The following TAAR5 variants were observed in gnomAD, a reference collection of about 807,000 sequenced individuals.
TAAR5 encodes the protein trace amine-associated receptor 5.
In TAAR5, 27 loss-of-function variants were observed where a neutral mutation model predicts 21.1. That is an observed-to-expected ratio of 1.28 (90% confidence interval 0.94 to 1.76). The LOEUF is 1.76. Ranked by LOEUF, TAAR5 falls within the 40% of genes most tolerant of loss-of-function variation. TAAR5 has a pLI of 0.00. For missense variants in TAAR5, 495 were observed against 405.6 expected, an observed-to-expected ratio of 1.22 and a Z score of -1.89; for synonymous variants, 203 against 167.5, an observed-to-expected ratio of 1.21 and a Z score of -1.64.
At chr6:132,604,774 G>A in the TAAR5 span, among the ~76,000 whole-genome samples, 90 of 152,330 alleles carry the variant, frequency 5.9e-4, no homozygotes, top group African/African-American at 1.9e-3. Context: ...GCCAACCTGG[G>A]TGACTGAGGA....
In TAAR5 at chr6:132,589,059, CA is replaced by C. The variant is rs763638315; in HGVS notation, c.627del (p.Phe209LeufsTer7). 12 of 1,614,022 alleles carry C rather than the reference CA, an allele frequency of 7.4e-6. No individual in the cohort carries two copies. Among genetic ancestry groups the C allele is most frequent in the Non-Finnish European group, 1.0e-5 (12 of 1,179,988 alleles). On this transcript the variant is annotated frameshift_variant, in exon 1 of 1. Coordinates refer to ENST00000258034, the MANE Select transcript of TAAR5 (RefSeq NM_003967.3). LOFTEE classifies it high-confidence loss of function. Reference sequence around the variant, plus strand: ...AAGCTGATCATAATGAGGCAGGGGACAAAGAACAAAGGGAAGTTTAACCAGC... The same window carrying C: ...AAGCTGATCATAATGAGGCAGGGGACAAGAACAAAGGGAAGTTTAACCAGC... ...FWGWLNFPLFFVPCLIMISLY... is the reference protein window; with the variant it reads ...FWGWLNFPLFXVPCLIMISLY...
rs775403744 is a variant in TAAR5, at chr6:132,589,693, T to G, written c.-7A>C. On this transcript the variant is annotated 5_prime_UTR_variant, in exon 1 of 1. Coordinates refer to ENST00000258034, the MANE Select transcript of TAAR5 (RefSeq NM_003967.3). ...GGATGAAGACAGCTCTCATTTATGA[T>G]TTCTACTCTTCCTCTGTCTGAGAAC... 6.6e-7 allele frequency: 1 copy of G among 1,519,402 alleles called. No individual in the cohort carries two copies. Among genetic ancestry groups the G allele is most frequent in the East Asian group, 2.4e-5 (1 of 41,816 alleles). 94.1% of individuals were successfully genotyped at this position (1,519,402 alleles called of 1,614,324 possible).
At chr6:132,596,247 A>G in the TAAR5 span, among the ~76,000 whole-genome samples, 1 of 152,148 alleles carries the variant, frequency 6.6e-6, no homozygotes, top group South Asian at 2.1e-4. Context: ...GTGAGTGCTC[A>G]TTGTTTAATC....
At chr6:132,594,152 A>G (rs1031927775), upstream of TAAR5, among the ~76,000 whole-genome samples, 1 of 152,214 alleles carries the variant, frequency 6.6e-6, no homozygotes, top group Non-Finnish European at 1.5e-5. Flanking sequence ...GAATCTCAGG[A>G]GTCAGTAAGA....
At chr6:132,609,612 T>G in the TAAR5 span, among the ~76,000 whole-genome samples, 9 of 152,152 alleles carry the variant, frequency 5.9e-5, no homozygotes, top group Non-Finnish European at 1.2e-4. Flanking sequence ...AATGGGAGAT[T>G]TTCAAGAATG....
At chr6:132,603,454 C>A in the TAAR5 span, among the ~76,000 whole-genome samples, 1 of 146,548 alleles carries the variant, frequency 6.8e-6, no homozygotes, top group Admixed American at 6.8e-5. Context: ...TGTGCATTTG[C>A]AGGAATGTAT....
At chr6:132,599,251 T>C in the TAAR5 span, among the ~76,000 whole-genome samples, 1 of 152,066 alleles carries the variant, frequency 6.6e-6, no homozygotes, top group Admixed American at 6.6e-5. Context: ...GATAATTTTA[T>C]TATTCATCAA....
chr6:132,606,933 T>G, the TAAR5 span, among the ~76,000 whole-genome samples: 8 of 152,214 alleles, frequency 5.3e-5, no homozygotes, highest in African/African-American at 1.7e-4. Flanking sequence ...GGGTGGATCA[T>G]GCCTGTAATC....
chr6:132,597,362 A>G, the TAAR5 span, among the ~76,000 whole-genome samples: 1 of 152,160 alleles, frequency 6.6e-6, no homozygotes, highest in African/African-American at 2.4e-5. Context: ...AGATAAGAAT[A>G]ATTTCAAACT....
At chr6:132,613,934 C>T in the TAAR5 span, among the ~76,000 whole-genome samples, 1 of 152,242 alleles carries the variant, frequency 6.6e-6, no homozygotes, top group Admixed American at 6.5e-5. Context: ...TTAACAATTG[C>T]CATTGCCACC....
the TAAR5 span, among the ~76,000 whole-genome samples, chr6:132,612,052 ACTCATTG>A: frequency 6.6e-6 from 1 of 152,234 alleles, no homozygotes; most frequent in Non-Finnish European, 1.5e-5. Flanking sequence ...GTAGTCCTCC[ACTCATTG>A]CCTCTCTTTA....
At chr6:132,594,738 A>G (rs143624565), upstream of TAAR5, 25 of 152,108 alleles carry the variant, frequency 1.6e-4, no homozygotes, top group Admixed American at 2.6e-4. Context: ...ACCTGTGCCA[A>G]TTTGCATGGC....
the TAAR5 span, among the ~76,000 whole-genome samples, chr6:132,598,186 T>G: frequency 6.6e-6 from 1 of 152,278 alleles, no homozygotes; most frequent in Admixed American, 6.5e-5. Context: ...CTTTGATATA[T>G]CTCATCCTTA....
chr6:132,591,164 A>C (rs1008541106), upstream of TAAR5, among the ~76,000 whole-genome samples: 1 of 152,184 alleles, frequency 6.6e-6, no homozygotes, highest in African/African-American at 2.4e-5. Flanking sequence ...CATTGGTAAG[A>C]GTAGGTACAA....
In TAAR5 at chr6:132,589,569, C is replaced by T. The variant is rs1318343269; in HGVS notation, c.118G>A (p.Ala40Thr). The change falls in exon 1 of 1, where the codon GCC becomes ACC. Residue 40 changes from alanine to threonine, a missense_variant. Physicochemically the swap from Ala to Thr is moderately conservative, Grantham distance 58. Transcript: ENST00000258034. ...ATAATCAGCATGCCTGCTGCACAGG[C>T]CAGGTAGATGACCAACTGGATGCCC... Reference protein sequence around the residue: ...TLGIQLVIYLACAAGMLIIVL... With the variant: ...TLGIQLVIYLTCAAGMLIIVL... 1.2e-6 allele frequency: 2 copies of T among 1,613,840 alleles called. No homozygotes were observed. The highest frequency in any genetic ancestry group is 1.7e-6 in the Non-Finnish European group (2 of 1,179,926).
At position 132,588,811 on chromosome 6, in the gene TAAR5, C is replaced by T. The variant is rs199941858; in HGVS notation, c.876G>A (p.Trp292Ter). 2 of 1,614,024 alleles carry T rather than the reference C, an allele frequency of 1.2e-6. No individual in the cohort carries two copies. Among genetic ancestry groups the T allele is most frequent in the Non-Finnish European group, 1.7e-6 (2 of 1,179,988 alleles). ...TGCAGGCTGAGTTGAAGTAAGCAAA[C>T]CAGATAAAGATGTCAAAGACCAGTG... ...TPPLVFDIFI[W>*]FAYFNSACNP... is the part of the protein sequence containing the mutation. The change falls in exon 1 of 1, where the codon TGG (tryptophan) becomes TGA (stop). Residue 292 changes from tryptophan (W) to a stop codon, truncating the protein, a stop_gained. Coordinates refer to ENST00000258034, the MANE Select transcript of TAAR5 (RefSeq NM_003967.3). LOFTEE classifies it high-confidence loss of function.
At chr6:132,594,579 T>C (rs1284062564), upstream of TAAR5, 1 of 152,142 alleles carries the variant, frequency 6.6e-6, no homozygotes, top group African/African-American at 2.4e-5. Context: ...GTAAAATTAA[T>C]GAAAGGATCT....
the TAAR5 span, chr6:132,609,085 G>A: frequency 2.2e-6 from 1 of 450,332 alleles, no homozygotes; most frequent in Non-Finnish European, 4.5e-6. Flanking sequence ...AAAGTTTGTG[G>A]GAGAGTGAAG....
the TAAR5 span, among the ~76,000 whole-genome samples, chr6:132,595,964 T>C: frequency 9.2e-5 from 14 of 152,236 alleles, no homozygotes; most frequent in Non-Finnish European, 1.8e-4. Context: ...ACTTATGACA[T>C]ACTATTCGAT....
Sources: gnomAD v4.1 joint callset for allele counts (sites outside exome capture counted in the v4.1 genomes callset) on GRCh38, gnomAD v4.1.1 for gene constraint, MANE v1.5 for transcripts, NCBI Gene and HGNC (gene_info 2026-07-23, HGNC 2026-07-21) for gene names.